NOSTRIN: variants seen among roughly 807,000 people sequenced by gnomAD.
The protein encoded by NOSTRIN is BM247 homolog.
In NOSTRIN, 63 loss-of-function variants were observed where a neutral mutation model predicts 59.0. That is an observed-to-expected ratio of 1.07 (90% CI 0.87 to 1.32). The LOEUF (loss-of-function observed/expected upper bound fraction) is 1.32. Among genes scored for constraint, NOSTRIN ranks in the 40% most tolerant of loss-of-function variants. The pLI, the probability that NOSTRIN is intolerant of heterozygous loss-of-function variation, is 0.00. For missense variants in NOSTRIN, 512 were observed against 473.1 expected (o/e 1.08, Z -0.76); for synonymous variants, 200 against 165.4 (o/e 1.21, Z -1.61).
chr2:168,823,695 T>G lies in NOSTRIN; in HGVS notation c.114-939T>G, dbSNP rs1040571879. On this transcript the variant is annotated intron_variant, in intron 2 of 15. Coordinates refer to ENST00000317647, the MANE Select transcript of NOSTRIN (RefSeq NM_001039724.4). ...ACCCTATTCCCATATGAGGTCACAT[T>G]CACAGGCACTGGGGAGTAGGACTTC... 2.0e-5 allele frequency among the ~76,000 whole-genome samples: 3 copies of G among 152,334 alleles called. No homozygotes were observed. In the East Asian group the frequency reaches 5.8e-4, roughly 29 times the overall value.
intron 7 of NOSTRIN, among the ~76,000 whole-genome samples, chr2:168,840,972 G>A (rs1688060750): frequency 6.6e-6 from 1 of 152,076 alleles, no homozygotes; most frequent in South Asian, 2.1e-4. Flanking sequence ...TGGAGAATCG[G>A]CTGGGTGCGA....
upstream of NOSTRIN, among the ~76,000 whole-genome samples, chr2:168,795,067 C>A (rs1685446869): frequency 6.6e-6 from 1 of 152,210 alleles, no homozygotes; most frequent in Admixed American, 6.5e-5. Context: ...GCTTTTGTTT[C>A]TTCTCTAAGA....
intron 8 of NOSTRIN, among the ~76,000 whole-genome samples, chr2:168,849,559 T>A (rs1237821108): frequency 6.6e-6 from 1 of 151,056 alleles, no homozygotes. Flanking sequence ...TTTTGCCACG[T>A]TGGGCAGGCT....
chr2:168,799,871 A>G (rs1685570186), upstream of NOSTRIN, among the ~76,000 whole-genome samples: 1 of 152,170 alleles, frequency 6.6e-6, no homozygotes, highest in Non-Finnish European at 1.5e-5. Flanking sequence ...ACTAACTCCA[A>G]TTGTCTGCCC....
At chr2:168,855,289 T>G (rs1377050813) in intron 10 of NOSTRIN, 63 bp from the exon 11 acceptor site, 2 of 771,278 alleles carry the variant, frequency 2.6e-6, no homozygotes, top group African/African-American at 1.8e-5. Flanking sequence ...AGTATCAGAA[T>G]GGACAGGGAA....
At chr2:168,818,106 T>C (rs1310499508) in intron 2 of NOSTRIN, 1 of 170,920 alleles carries the variant, frequency 5.9e-6, no homozygotes. Context: ...AAGGGAGGAC[T>C]CTGTCACCTG....
At chr2:168,791,185 T>A in intron 2 of NOSTRIN, among the ~76,000 whole-genome samples, 1 of 152,132 alleles carries the variant, frequency 6.6e-6, no homozygotes, top group East Asian at 1.9e-4. Flanking sequence ...ATGTTCCCCT[T>A]CCTCTGTCCA....
chr2:168,812,986 G>A (rs1368730423), intron 2 of NOSTRIN, among the ~76,000 whole-genome samples: 1 of 151,154 alleles, frequency 6.6e-6, no homozygotes, highest in East Asian at 2.0e-4. Context: ...AACAAAACCA[G>A]ATTTATCAAA....
chr2:168,796,348 G>A (rs904592315), upstream of NOSTRIN, among the ~76,000 whole-genome samples: 1 of 152,190 alleles, frequency 6.6e-6, no homozygotes. Context: ...TGAAGATGTG[G>A]CCTGCTGACA....
upstream of NOSTRIN, among the ~76,000 whole-genome samples, chr2:168,800,165 A>G (rs913049814): frequency 2.6e-5 from 4 of 152,228 alleles, no homozygotes; most frequent in African/African-American, 9.6e-5. Flanking sequence ...CCCCCTGCCC[A>G]GAAAAGCCCA....
At position 168,864,929 on chromosome 2, in the gene NOSTRIN, G is replaced by GAGTT. The variant is rs750791844; in HGVS notation, c.1482_1485dup (p.Pro496ValfsTer47). The GAGTT allele has an allele frequency of 3.1e-6, 5 of 1,614,090 alleles. No individual in the cohort carries two copies. The highest frequency in any genetic ancestry group is 4.2e-6 in the Non-Finnish European group (5 of 1,180,018). Reference sequence around the variant, plus strand: ...CCATTTTCCTGCCGCTTATGTGGAGGAGTTACCTTCAAATGCTGGCAACAC... The same window carrying GAGTT: ...CCATTTTCCTGCCGCTTATGTGGAGGAGTTAGTTACCTTCAAATGCTGGCAACAC... On this transcript the variant is annotated frameshift_variant, in exon 16 of 16. Coordinates refer to ENST00000317647, the MANE Select transcript of NOSTRIN (RefSeq NM_001039724.4). LOFTEE classifies it high-confidence loss of function.
At chr2:168,834,708 A>T (rs988129895) in intron 7 of NOSTRIN, among the ~76,000 whole-genome samples, 12 of 152,034 alleles carry the variant, frequency 7.9e-5, no homozygotes, top group East Asian at 3.9e-4. Context: ...ATGTATTTTT[A>T]AAAAATATTA....
chr2:168,850,799 C>T (rs1368058577), intron 8 of NOSTRIN: 2 of 764,260 alleles, frequency 2.6e-6, no homozygotes, highest in Non-Finnish European at 4.4e-6. Context: ...TCAAATGCTT[C>T]CTTTTCTTCT....
At position 168,864,889 on chromosome 2, in the gene NOSTRIN, G is replaced by C; in HGVS notation, c.1440G>C (p.Leu480Phe). ...AAGGAGGATGGTGGTTTGGATCTTT[G>C]AATGGGAAAAAAGGCCATTTTCCTG... ...KKEGGWWFGS[L>F]NGKKGHFPAA... is the part of the protein sequence containing the mutation. The change falls in exon 16 of 16, where the codon TTG becomes TTC. Residue 480 changes from leucine to phenylalanine, a missense_variant. Transcript: ENST00000317647. 1 of 1,613,926 alleles carries C rather than the reference G, an allele frequency of 6.2e-7. No individual in the cohort carries two copies.
intron 10 of NOSTRIN, among the ~76,000 whole-genome samples, chr2:168,852,552 A>T (rs1050887713): frequency 3.3e-5 from 5 of 152,270 alleles, no homozygotes; most frequent in African/African-American, 1.2e-4. Flanking sequence ...GCCATATTTT[A>T]TTCAGGATTT....
chr2:168,796,706 A>T (rs1192931316), upstream of NOSTRIN, among the ~76,000 whole-genome samples: 1 of 152,134 alleles, frequency 6.6e-6, no homozygotes, highest in Non-Finnish European at 1.5e-5. Flanking sequence ...ATTCTTGCGG[A>T]ATCCTACTTC....
At chr2:168,806,258 T>A (rs1470308838) in intron 1 of NOSTRIN, among the ~76,000 whole-genome samples, 1 of 152,100 alleles carries the variant, frequency 6.6e-6, no homozygotes, top group Middle Eastern at 3.2e-3. Flanking sequence ...ACTGTGAGGA[T>A]CATCACTAAT....
chr2:168,852,196 G>A (rs1232511687), intron 10 of NOSTRIN, among the ~76,000 whole-genome samples: 1 of 152,210 alleles, frequency 6.6e-6, no homozygotes, highest in Non-Finnish European at 1.5e-5. Flanking sequence ...TGTGAGGGAA[G>A]ATCACCCAAA....
chr2:168,861,828 T>C, intron 14 of NOSTRIN, 132 bp from the exon 15 acceptor site: 1 of 754,098 alleles, frequency 1.3e-6, no homozygotes, highest in Non-Finnish European at 2.2e-6. Context: ...TATATAAAAT[T>C]ACAAACTTTC....
Sources: allele counts gnomAD v4.1 joint callset (sites outside exome capture counted in the v4.1 genomes callset), GRCh38; gene constraint gnomAD v4.1.1; transcripts MANE v1.5; gene names NCBI Gene and HGNC (gene_info 2026-07-23, HGNC 2026-07-21).